The following CACNA2D3 variants were observed in gnomAD, a reference collection of about 807,000 sequenced individuals.
CACNA2D3 encodes the protein calcium voltage-gated channel auxiliary subunit alpha2delta 3.
A neutral mutation model predicts 160.6 loss-of-function variants in CACNA2D3; 60 were observed. That is an observed-to-expected ratio of 0.37 (90% CI 0.30 to 0.46). The LOEUF is 0.46. Among genes scored for constraint, CACNA2D3 ranks in the 20% least tolerant of loss-of-function variants. CACNA2D3 has a pLI of 1.00. For synonymous variants in CACNA2D3, 558 were observed against 492.9 expected (o/e 1.13, Z -1.75); for missense variants, 1,205 against 1,365.0 (o/e 0.88, Z 1.85).
At chr3:54,528,394 T>C (rs1701757524) in intron 5 of CACNA2D3, among the ~76,000 whole-genome samples, 1 of 151,648 alleles carries the variant, frequency 6.6e-6, no homozygotes, top group African/African-American at 2.4e-5. Context: ...CATATAATGC[T>C]AATAAAATGA....
At chr3:54,337,521 G>C (rs947724644) in intron 3 of CACNA2D3, among the ~76,000 whole-genome samples, 2 of 152,142 alleles carry the variant, frequency 1.3e-5, no homozygotes, top group South Asian at 4.1e-4. Flanking sequence ...AAGTTCTGCT[G>C]TCTCTGCATT....
At chr3:54,581,578 C>T (rs1702678711) in intron 8 of CACNA2D3, among the ~76,000 whole-genome samples, 1 of 152,202 alleles carries the variant, frequency 6.6e-6, no homozygotes, top group East Asian at 1.9e-4. Context: ...GCTACCAGCA[C>T]ATGCTCTAGA....
chr3:54,780,165 G>T (rs1481478419), intron 13 of CACNA2D3, among the ~76,000 whole-genome samples: 2 of 152,190 alleles, frequency 1.3e-5, no homozygotes. Context: ...CTAAGAGAGA[G>T]TCTAAAATAT....
chr3:54,886,234 T>C (rs1699923131), intron 23 of CACNA2D3, among the ~76,000 whole-genome samples: 1 of 152,152 alleles, frequency 6.6e-6, no homozygotes, highest in African/African-American at 2.4e-5. Flanking sequence ...AAGCATCATG[T>C]ATTCAATGAC....
chr3:54,304,319 AGT>A (rs552372580), intron 2 of CACNA2D3, among the ~76,000 whole-genome samples: 1 of 152,148 alleles, frequency 6.6e-6, no homozygotes, highest in African/African-American at 2.4e-5. Context: ...CATGGGTCTC[AGT>A]GTGTTTGTAT....
At chr3:54,484,823 A>C (rs1406649709) in intron 4 of CACNA2D3, among the ~76,000 whole-genome samples, 1 of 151,972 alleles carries the variant, frequency 6.6e-6, no homozygotes, top group South Asian at 2.1e-4. Flanking sequence ...AGTTCCTTTG[A>C]AGAAGAACCA....
intron 4 of CACNA2D3, among the ~76,000 whole-genome samples, chr3:54,473,067 A>G (rs2106878459): frequency 6.6e-6 from 1 of 152,342 alleles, no homozygotes; most frequent in East Asian, 1.9e-4. Context: ...AAGAGCCCGT[A>G]TAGCCAAGTC....
At chr3:54,276,136 C>T (rs542070145) in intron 2 of CACNA2D3, among the ~76,000 whole-genome samples, 2 of 152,280 alleles carry the variant, frequency 1.3e-5, no homozygotes, top group South Asian at 2.1e-4. Flanking sequence ...CACTGCACCC[C>T]TGAGCCCTCT....
chr3:54,925,226 CAG>C (rs1311914182), intron 27 of CACNA2D3: 5 of 1,600,958 alleles, frequency 3.1e-6, no homozygotes, highest in Non-Finnish European at 4.3e-6. Context: ...CTACAACAAA[CAG>C]AAAGAAATTG....
At chr3:54,864,054 T>C (rs1193900121) in intron 17 of CACNA2D3, among the ~76,000 whole-genome samples, 1 of 152,124 alleles carries the variant, frequency 6.6e-6, no homozygotes, top group Non-Finnish European at 1.5e-5. Flanking sequence ...TGTCGTCCCA[T>C]TGGGCATCTT....
chr3:54,759,826 A>G (rs1702047229), intron 12 of CACNA2D3, among the ~76,000 whole-genome samples: 1 of 152,194 alleles, frequency 6.6e-6, no homozygotes, highest in East Asian at 1.9e-4. Context: ...CCAGCAGCGA[A>G]AGAGGCAGTG....
intron 4 of CACNA2D3, among the ~76,000 whole-genome samples, chr3:54,402,253 A>C (rs920407151): frequency 6.6e-6 from 1 of 152,124 alleles, no homozygotes; most frequent in African/African-American, 2.4e-5. Flanking sequence ...AATACAGTTA[A>C]TAAAATGGCA....
chr3:54,256,250 A>G (rs1702291654), intron 2 of CACNA2D3, among the ~76,000 whole-genome samples: 1 of 152,196 alleles, frequency 6.6e-6, no homozygotes, highest in African/African-American at 2.4e-5. Context: ...GGAAGTCCTC[A>G]GGATTGAATG....
chr3:55,020,279 G>A (rs1477853189), intron 35 of CACNA2D3, among the ~76,000 whole-genome samples: 2 of 150,098 alleles, frequency 1.3e-5, no homozygotes, highest in East Asian at 3.9e-4. Context: ...TAATTTCCAT[G>A]AATTCTGATA....
intron 2 of CACNA2D3, among the ~76,000 whole-genome samples, chr3:54,282,515 G>C (rs1416640395): frequency 6.6e-6 from 1 of 152,176 alleles, no homozygotes; most frequent in African/African-American, 2.4e-5. Context: ...TACTTGTGGA[G>C]TTGAGGAATG....
intron 34 of CACNA2D3, among the ~76,000 whole-genome samples, chr3:55,013,425 A>C (rs1703253809): frequency 6.6e-6 from 1 of 152,214 alleles, no homozygotes; most frequent in Non-Finnish European, 1.5e-5. Context: ...AAAGAAAACA[A>C]GCAAAGGTGA....
chr3:54,421,088 C>G (rs1699829789), intron 4 of CACNA2D3, among the ~76,000 whole-genome samples: 1 of 152,200 alleles, frequency 6.6e-6, no homozygotes, highest in Admixed American at 6.5e-5. Context: ...CCATGATGCT[C>G]TTTCCTGGAA....
intron 34 of CACNA2D3, among the ~76,000 whole-genome samples, chr3:55,015,460 A>C (rs1353814679): frequency 1.3e-5 from 2 of 152,216 alleles, no homozygotes; most frequent in African/African-American, 2.4e-5. Context: ...GAACGCAGCA[A>C]TTTCTTCATA....
At chr3:54,657,934 C>T (rs1034802447) in intron 11 of CACNA2D3, among the ~76,000 whole-genome samples, 3 of 152,098 alleles carry the variant, frequency 2.0e-5, no homozygotes, top group African/African-American at 4.8e-5. Flanking sequence ...GAGACTCAAG[C>T]GGGAGACTGG....
Sources: gnomAD v4.1 joint callset for allele counts (sites outside exome capture counted in the v4.1 genomes callset) on GRCh38, gnomAD v4.1.1 for gene constraint, MANE v1.5 for transcripts, NCBI Gene and HGNC (gene_info 2026-07-23, HGNC 2026-07-21) for gene names.